FZR1: variants seen among roughly 807,000 people sequenced by gnomAD.
FZR1 encodes the protein fizzy and cell division cycle 20 related 1.
FZR1 carries 11 observed loss-of-function variants against 63.6 expected under a neutral mutation model. The ratio of observed to expected loss-of-function variants is 0.17; its 90% CI spans 0.11 to 0.29. FZR1 has a LOEUF of 0.29. FZR1 is among the 10% of genes least tolerant of loss of function. The pLI is 1.00. For synonymous variants in FZR1, 328 were observed against 297.9 expected, an observed-to-expected ratio of 1.10 and a Z score of -1.04; for missense variants, 440 against 687.5, an observed-to-expected ratio of 0.64 and a Z score of 4.03.
In FZR1 at chr19:3,525,943, A is replaced by C. The variant is rs1425769188; in HGVS notation, c.145A>C (p.Ile49Leu). 1.2e-6 allele frequency: 2 copies of C among 1,612,332 alleles called. No individual in the cohort carries two copies. The highest frequency in any genetic ancestry group is 1.7e-6 in the Non-Finnish European group (2 of 1,179,894). ...SSPSKHGDRF[I>L]PSRAGANWSV... The stretch of plus-strand genomic sequence containing the variant: ...GCCCAGCAAGCACGGAGACCGCTTC[A>C]TCCCCTCCAGAGCCGGAGCCAACTG... Residue 49 changes from isoleucine to leucine, a missense_variant, in exon 3 of 14, where the codon ATC (isoleucine) becomes CTC (leucine). Coordinates refer to ENST00000441788, the MANE Select transcript of FZR1 (RefSeq NM_016263.4). The surrounding 1 kb of genome is among the most constrained non-coding windows in gnomAD (Gnocchi z 4.2).
At position 3,537,501 on chromosome 19, in the gene FZR1, T is replaced by C. The variant is rs1457026535; in HGVS notation, c.*2665T>C. 6.6e-6 allele frequency: 1 copy of C among 152,314 alleles called. No homozygotes were observed. The highest frequency in any genetic ancestry group is 1.5e-5 in the Non-Finnish European group (1 of 68,168). The allele number at this position is 152,314 out of a possible 1,614,324, so 9.4% of individuals were successfully genotyped here. A position where few individuals can be genotyped will look rare whatever the true frequency, so the allele number is the denominator to read the frequency against. Reference sequence around the variant, plus strand: ...GAGAATTGAAAAACTCAGGCTGCCATAGGTTCTGCGATGAGAGGTGCAGGA... The same window carrying C: ...GAGAATTGAAAAACTCAGGCTGCCACAGGTTCTGCGATGAGAGGTGCAGGA... On this transcript the variant is annotated 3_prime_UTR_variant, in exon 14 of 14. Transcript: ENST00000441788.
intron 1 of FZR1, among the ~76,000 whole-genome samples, chr19:3,506,941 G>C (rs2082988141): frequency 6.6e-6 from 1 of 151,958 alleles, no homozygotes; most frequent in African/African-American, 2.4e-5. Flanking sequence ...CTGCCCACAC[G>C]AAGCCGCCCC....
Position 3,526,912 on chromosome 19 carries a change from C to T in FZR1, c.388-68C>T. The T allele has an allele frequency of 9.2e-7, 1 of 1,089,444 alleles. No homozygotes were observed. Among genetic ancestry groups the T allele is most frequent in the South Asian group, 1.3e-5 (1 of 79,702 alleles). The allele number at this position is 1,089,444 out of a possible 1,614,324, so 67.5% of individuals were successfully genotyped here. Reference sequence around the variant, plus strand: ...CTATGAGCTGTACCGGGAGCGTGGGCTGCTGGGGGGCTCTGAGGGTCCTGC... The same window carrying T: ...CTATGAGCTGTACCGGGAGCGTGGGTTGCTGGGGGGCTCTGAGGGTCCTGC... On this transcript the variant is annotated intron_variant, in intron 5 of 13. Transcript: ENST00000441788. This position sits in a 1 kb window ranked among gnomAD's most constrained non-coding sequence, Gnocchi z 5.4.
rs930352911 is a variant in FZR1, at chr19:3,514,713, C to G, written c.-35+8239C>G. 6.6e-6 allele frequency among the ~76,000 whole-genome samples: 1 copy of G among 152,190 alleles called. No homozygotes were observed. Among genetic ancestry groups the G allele is most frequent in the Middle Eastern group, 3.2e-3 (1 of 316 alleles). On this transcript the variant is annotated intron_variant, in intron 1 of 13. Transcript: ENST00000441788. This position sits in a 1 kb window ranked among gnomAD's most constrained non-coding sequence, Gnocchi z 4.2. ...CTGGAGTCCCCCTGGTTTGTGCTGT[C>G]TGCCCCATCGGAGGCTTATTCTGGT... is the stretch of plus-strand genomic sequence containing the variant.
rs1263605130 is a variant in FZR1 at position 3,526,003 on chromosome 19, T to C, written c.195+10T>C. 1.2e-6 allele frequency: 2 copies of C among 1,611,626 alleles called. No individual in the cohort carries two copies. Among genetic ancestry groups the C allele is most frequent in the Admixed American group, 1.7e-5 (1 of 59,938 alleles). ...CTTCCACAGGATTAACGTGAGGGGC[T>C]GGCTGGGCAGGAGATGGGACCCCCC... On this transcript the variant is annotated intron_variant, in intron 3 of 13. Transcript: ENST00000441788. This position sits in a 1 kb window ranked among gnomAD's most constrained non-coding sequence, Gnocchi z 5.4.
At chr19:3,522,484 GGGCCTGGACCCACGTGGCC>G (rs2083111574) in intron 1 of FZR1, among the ~76,000 whole-genome samples, 1 of 152,202 alleles carries the variant, frequency 6.6e-6, no homozygotes, top group Non-Finnish European at 1.5e-5. Flanking sequence ...TGGTCTACCT[GGGCCTGGACCCACGTGGCC>G]GGCCCGGGGC....
Position 3,534,844 on chromosome 19 carries a change from G to A in FZR1, c.*8G>A, listed in dbSNP as rs10155. On this transcript the variant is annotated 3_prime_UTR_variant, in exon 14 of 14. Coordinates refer to ENST00000441788, the MANE Select transcript of FZR1 (RefSeq NM_016263.4). ...TTCACCAGGATCCGGTAAACCTGCCGGGCAGGACCGTGCCACACCAGCTGT... is the reference window on the plus strand; with the variant it reads ...TTCACCAGGATCCGGTAAACCTGCCAGGCAGGACCGTGCCACACCAGCTGT... The A allele has an allele frequency of 0.28, 456,338 of 1,608,116 alleles. 76,607 individuals are homozygous for A. The highest frequency in any genetic ancestry group is 0.82 in the East Asian group (36,970 of 44,818).
intron 1 of FZR1, among the ~76,000 whole-genome samples, chr19:3,508,487 G>A (rs1248686888): frequency 6.6e-6 from 1 of 152,194 alleles, no homozygotes; most frequent in Non-Finnish European, 1.5e-5. Context: ...GTGCGCCACC[G>A]CGCTCGGCCT....
At chr19:3,529,757 AGCGCATGGGT>A (rs1321022623) in intron 7 of FZR1, among the ~76,000 whole-genome samples, 25 of 138,478 alleles carry the variant, frequency 1.8e-4, no homozygotes, top group Non-Finnish European at 2.8e-4. Flanking sequence ...AGCGCATGGG[AGCGCATGGGT>A]GAGCGGATGC....
In FZR1 at chr19:3,506,323, A is replaced by G. The variant is rs1259256358; in HGVS notation, c.-186A>G. On this transcript the variant is annotated 5_prime_UTR_variant, in exon 1 of 14. Transcript: ENST00000441788. ...GGAGCCGGGAGGCAGCGGAGGAGCG[A>G]CCGCCGCCATATTAGGGACCGCGGA... 2.0e-5 allele frequency: 3 copies of G among 148,658 alleles called. No homozygotes were observed. Among genetic ancestry groups the G allele is most frequent in the Non-Finnish European group, 3.0e-5 (2 of 67,062 alleles). The allele number at this position is 148,658 out of a possible 1,614,324, so 9.2% of individuals were successfully genotyped here.
intron 7 of FZR1, among the ~76,000 whole-genome samples, chr19:3,528,536 C>T (rs911554088): frequency 2.0e-5 from 3 of 152,072 alleles, no homozygotes; most frequent in African/African-American, 7.2e-5. Context: ...TGTGTCTCCC[C>T]TGTATGTGTG....
rs1038493893 is a variant in FZR1, at chr19:3,514,585, ACT to A, written c.-35+8114_-35+8115del. On this transcript the variant is annotated intron_variant, in intron 1 of 13. Transcript: ENST00000441788. This position sits in a 1 kb window ranked among gnomAD's most constrained non-coding sequence, Gnocchi z 4.2. ...ATGGGATTCCATGGACCCCCAAGAG[ACT>A]CTGCGTCCCATGATCCTCTGCCCTG... Among the ~76,000 whole-genome samples the A allele has an allele frequency of 4.0e-4, 61 of 151,648 alleles. 1 individual carries two copies. The highest frequency in any genetic ancestry group is 2.1e-4 in the Non-Finnish European group (14 of 67,886).
chr19:3,510,416 G>T (rs1359269194), intron 1 of FZR1, among the ~76,000 whole-genome samples: 1 of 152,214 alleles, frequency 6.6e-6, no homozygotes, highest in Non-Finnish European at 1.5e-5. Flanking sequence ...ATTACTGGCG[G>T]AGCCAGCATG....
In FZR1 at chr19:3,535,165, G is replaced by A. The variant is rs145028095; in HGVS notation, c.*329G>A. 5.1e-3 allele frequency: 2,080 copies of A among 406,008 alleles called. 9 individuals carry two copies. Among genetic ancestry groups the A allele is most frequent in the Non-Finnish European group, 6.9e-3 (1,511 of 218,352 alleles). 25.2% of individuals were successfully genotyped at this position (406,008 alleles called of 1,614,324 possible). On this transcript the variant is annotated 3_prime_UTR_variant, in exon 14 of 14. Transcript: ENST00000441788. ...GCCCCCTGGGACCCTCACTGCCTCC[G>A]TCTGTTCATCACCTGCCCACCGGAG...
chr19:3,508,558 C>CT (rs1471439358), intron 1 of FZR1, among the ~76,000 whole-genome samples: 1 of 152,184 alleles, frequency 6.6e-6, no homozygotes, highest in Non-Finnish European at 1.5e-5. Flanking sequence ...GTTTTGTAGA[C>CT]TGAGAACTTC....
chr19:3,527,587 C>G (rs1464650493), intron 6 of FZR1, 44 bp from the exon 7 acceptor site: 95 of 1,533,142 alleles, frequency 6.2e-5, no homozygotes, highest in Non-Finnish European at 8.4e-5. Flanking sequence ...CAAGAGGTGA[C>G]CCAAGTGCCG....
intron 2 of FZR1, among the ~76,000 whole-genome samples, chr19:3,523,454 C>A (rs2083122501): frequency 6.6e-6 from 1 of 152,214 alleles, no homozygotes; most frequent in Non-Finnish European, 1.5e-5. Context: ...CCTCCCCAGC[C>A]CAGCCGTGTT....
intron 1 of FZR1, among the ~76,000 whole-genome samples, chr19:3,520,643 C>G (rs1157637639): frequency 6.6e-6 from 1 of 152,256 alleles, no homozygotes; most frequent in African/African-American, 2.4e-5. Context: ...GGACCACATG[C>G]GTCCCTTGAC....
rs997308482 is a variant in FZR1, at chr19:3,525,722, G to A, written c.70-146G>A. The A allele has an allele frequency of 2.6e-5, 24 of 921,914 alleles. No individual in the cohort carries two copies. Among genetic ancestry groups the A allele is most frequent in the Admixed American group, 4.7e-5 (2 of 42,288 alleles). The allele number at this position is 921,914 out of a possible 1,614,324, so 57.1% of individuals were successfully genotyped here. A position where few individuals can be genotyped will look rare whatever the true frequency, so the allele number is the denominator to read the frequency against. ...CTCCCAAAGTGCTGGGATTACGGGC[G>A]TGAGCCACCGCGCCTGGCCCACCCC... is the stretch of plus-strand genomic sequence containing the variant. On this transcript the variant is annotated intron_variant, in intron 2 of 13. Transcript: ENST00000441788. This position sits in a 1 kb window ranked among gnomAD's most constrained non-coding sequence, Gnocchi z 4.2.
Sources: allele counts gnomAD v4.1 joint callset (sites outside exome capture counted in the v4.1 genomes callset), GRCh38; gene constraint gnomAD v4.1.1; non-coding constraint Gnocchi (gnomAD v3.1); transcripts MANE v1.5; gene names NCBI Gene and HGNC (gene_info 2026-07-23, HGNC 2026-07-21).